The following IGFL4 variants were observed in gnomAD, a reference collection of about 807,000 sequenced individuals.
The protein encoded by IGFL4 is IGF like family member 4.
IGFL4 carries 12 observed loss-of-function variants against 15.4 expected under a neutral mutation model. The observed-to-expected ratio is 0.78, with a 90% CI of 0.50 to 1.26. The LOEUF is 1.26. Ranked by LOEUF, IGFL4 falls within the 50% of genes most tolerant of loss-of-function variation. The pLI is 0.00. For synonymous variants in IGFL4, 54 were observed against 55.9 expected (o/e 0.97, Z 0.16); for missense variants, 126 against 147.8 (o/e 0.85, Z 0.76).
Position 46,040,395 on chromosome 19 carries a change from T to C in IGFL4, c.92A>G (p.Gln31Arg), listed in dbSNP as rs868119090. ...CCACTCCCCGCACCTGGGCGCTGGC[T>C]GGCATAGCCACAGTCTAAGATCTGG... ...GVTDLRLWLC[Q>R]PAPRCGEWTY... Residue 31 changes from glutamine (Q) to arginine (R), a missense_variant, in exon 3 of 4, where the codon CAG becomes CGG. By Grantham distance (43) the Gln-to-Arg change is conservative (BLOSUM62 1). Coordinates refer to ENST00000377697, the MANE Select transcript of IGFL4 (RefSeq NM_001002923.3). This position sits in a 1 kb window ranked among gnomAD's most constrained non-coding sequence, Gnocchi z 4.1. The C allele has an allele frequency of 1.9e-6, 3 of 1,614,106 alleles. No individual in the cohort carries two copies. The African/African-American group carries it at 4.0e-5, about 22-fold the overall frequency.
At chr19:46,044,210 C>A (rs61342719), upstream of IGFL4, among the ~76,000 whole-genome samples, 1 of 152,126 alleles carries the variant, frequency 6.6e-6, no homozygotes, top group Non-Finnish European at 1.5e-5. Context: ...CATAAGCCCA[C>A]GCCCAGAGAT....
intron 1 of IGFL4, among the ~76,000 whole-genome samples, chr19:46,073,974 AT>A (rs200053088): frequency 1.3e-5 from 2 of 151,120 alleles, no homozygotes; most frequent in Non-Finnish European, 3.0e-5. Flanking sequence ...AGCTTAAAAA[AT>A]CAACATTTCT....
intron 1 of IGFL4, among the ~76,000 whole-genome samples, chr19:46,063,137 T>C (rs1969461276): frequency 6.6e-6 from 1 of 152,162 alleles, no homozygotes; most frequent in Non-Finnish European, 1.5e-5. Context: ...TTTACTCATG[T>C]ATGATTATTT....
At chr19:46,076,678 A>T (rs1056507021) in intron 1 of IGFL4, among the ~76,000 whole-genome samples, 7 of 140,788 alleles carry the variant, frequency 5.0e-5, no homozygotes, top group African/African-American at 1.9e-4. Flanking sequence ...TTATAAATAC[A>T]TTATTTATAA....
intron 2 of IGFL4, among the ~76,000 whole-genome samples, chr19:46,055,603 A>AT (rs1482970359): frequency 6.6e-6 from 1 of 152,228 alleles, no homozygotes; most frequent in Non-Finnish European, 1.5e-5. Flanking sequence ...TTGAAAAAAA[A>AT]CTACATCATT....
At chr19:46,064,199 A>G (rs1429502163) in intron 1 of IGFL4, among the ~76,000 whole-genome samples, 1 of 152,116 alleles carries the variant, frequency 6.6e-6, no homozygotes. Flanking sequence ...TAGTAGGTGT[A>G]TATATTTATG....
intron 1 of IGFL4, among the ~76,000 whole-genome samples, chr19:46,064,698 C>A (rs1033594919): frequency 3.3e-4 from 50 of 152,176 alleles, no homozygotes; most frequent in South Asian, 8.3e-4. Context: ...GTGTAAGTAC[C>A]CCATAGATAC....
intron 2 of IGFL4, chr19:46,058,350 T>C (rs1425425631): frequency 2.0e-5 from 3 of 152,124 alleles, no homozygotes. Context: ...ATCCAAGTTA[T>C]GCTGCAAGAG....
intron 2 of IGFL4, among the ~76,000 whole-genome samples, chr19:46,046,561 G>A (rs528949758): frequency 6.6e-6 from 1 of 152,210 alleles, no homozygotes; most frequent in East Asian, 1.9e-4. Context: ...GGATGGAGGA[G>A]AAATTTATCA....
At chr19:46,064,257 G>T (rs1016774633) in intron 1 of IGFL4, among the ~76,000 whole-genome samples, 1 of 152,086 alleles carries the variant, frequency 6.6e-6, no homozygotes, top group Non-Finnish European at 1.5e-5. Context: ...TAATAATCAT[G>T]TAAGTGGGGT....
intron 1 of IGFL4, among the ~76,000 whole-genome samples, chr19:46,063,738 G>A (rs553965844): frequency 7.2e-5 from 11 of 152,210 alleles, no homozygotes; most frequent in African/African-American, 2.4e-4. Flanking sequence ...CCCATACTTG[G>A]GAATAAATCT....
chr19:46,040,746 G>T lies in IGFL4; in HGVS notation c.20-178C>A. 1.1e-6 allele frequency: 1 copy of T among 938,228 alleles called. No individual in the cohort carries two copies. The highest frequency in any genetic ancestry group is 1.7e-6 in the Non-Finnish European group (1 of 598,100). 58.1% of individuals were successfully genotyped at this position (938,228 alleles called of 1,614,324 possible). On this transcript the variant is annotated intron_variant, in intron 1 of 3. Coordinates refer to ENST00000377697, the MANE Select transcript of IGFL4 (RefSeq NM_001002923.3). This position sits in a 1 kb window ranked among gnomAD's most constrained non-coding sequence, Gnocchi z 4.1. The stretch of plus-strand genomic sequence containing the variant: ...TGGCAGGTGAGGAAAGGCAGGGAGG[G>T]CTCTGGGAAAAGTTAAGCTTCTGGA...
chr19:46,063,245 A>T (rs1221245411), intron 1 of IGFL4, among the ~76,000 whole-genome samples: 2 of 152,054 alleles, frequency 1.3e-5, no homozygotes, highest in Admixed American at 1.3e-4. Flanking sequence ...TATTATTTAA[A>T]TTCATTGCAA....
intron 2 of IGFL4, among the ~76,000 whole-genome samples, chr19:46,056,996 C>A (rs980600000): frequency 3.3e-5 from 5 of 152,142 alleles, no homozygotes; most frequent in African/African-American, 4.8e-5. Context: ...TATTTTCTTC[C>A]TTTCTGGACA....
In IGFL4 at chr19:46,039,949, A is replaced by G. The variant is rs1211347571; in HGVS notation, c.331-13T>C. The G allele has an allele frequency of 6.2e-7, 1 of 1,610,714 alleles. No individual in the cohort carries two copies. The highest frequency in any genetic ancestry group is 1.1e-5 in the South Asian group (1 of 91,014). On this transcript the variant is annotated splice_polypyrimidine_tract_variant and intron_variant, in intron 3 of 3. Transcript: ENST00000377697. ...TTGGGTGGTATTCCTGCAGAAGGAG[A>G]GAAGTGGGAGAGGGGAATAAGAGGG... is the stretch of plus-strand genomic sequence containing the variant.
At position 46,040,052 on chromosome 19, in the gene IGFL4, A is replaced by G; in HGVS notation, c.330+105T>C. On this transcript the variant is annotated intron_variant, in intron 3 of 3. Transcript: ENST00000377697. This position sits in a 1 kb window ranked among gnomAD's most constrained non-coding sequence, Gnocchi z 4.1. Reference sequence around the variant, plus strand: ...GTTGCATGGTTACTGAGAGATGGGAAGGTATGGAACCCAGCAGAGACTGCA... The same window carrying G: ...GTTGCATGGTTACTGAGAGATGGGAGGGTATGGAACCCAGCAGAGACTGCA... 2 of 1,519,986 alleles carry G rather than the reference A, an allele frequency of 1.3e-6. No homozygotes were observed. Among genetic ancestry groups the G allele is most frequent in the Non-Finnish European group, 1.8e-6 (2 of 1,095,858 alleles). The allele number at this position is 1,519,986 out of a possible 1,614,324, so 94.2% of individuals were successfully genotyped here.
At chr19:46,071,075 C>T (rs1969541237) in intron 1 of IGFL4, among the ~76,000 whole-genome samples, 1 of 152,062 alleles carries the variant, frequency 6.6e-6, no homozygotes, top group South Asian at 2.1e-4. Flanking sequence ...GTTTGTTTGC[C>T]TGCATGGGAT....
intron 1 of IGFL4, among the ~76,000 whole-genome samples, chr19:46,070,240 GC>G (rs776608462): frequency 6.6e-6 from 1 of 151,748 alleles, no homozygotes; most frequent in Admixed American, 6.6e-5. Flanking sequence ...AGAAATAAGA[GC>G]TGACGTCATG....
At chr19:46,070,546 T>G (rs532039123) in intron 1 of IGFL4, among the ~76,000 whole-genome samples, 1 of 152,248 alleles carries the variant, frequency 6.6e-6, no homozygotes, top group Non-Finnish European at 1.5e-5. Flanking sequence ...GTTGTGTGAT[T>G]GTGCAGAGTC....
Sources: allele counts gnomAD v4.1 joint callset (sites outside exome capture counted in the v4.1 genomes callset), GRCh38; gene constraint gnomAD v4.1.1; non-coding constraint Gnocchi (gnomAD v3.1); transcripts MANE v1.5; gene names NCBI Gene and HGNC (gene_info 2026-07-23, HGNC 2026-07-21).